Variants in DMD observed in about 807,000 individuals in gnomAD.
DMD encodes dystrophin.
A neutral mutation model predicts 330.1 loss-of-function variants in DMD; 63 were observed. The observed-to-expected ratio is 0.19, with a 90% CI of 0.16 to 0.24. The LOEUF (loss-of-function observed/expected upper bound fraction) is 0.24, where lower values mean the gene tolerates loss of function less well. Ranked by LOEUF, DMD falls within the 10% of genes least tolerant of loss-of-function variation. DMD has a pLI of 1.00. For missense variants in DMD, 3,344 were observed against 2,684.1 expected, an observed-to-expected ratio of 1.25 and a Z score of -5.43; for synonymous variants, 1,223 against 959.8, an observed-to-expected ratio of 1.27 and a Z score of -5.07.
At chrX:32,311,716 C>T (rs1569557081) in intron 41 of DMD, among the ~76,000 whole-genome samples, 2 of 111,603 alleles carry the variant, frequency 1.8e-5, no homozygotes, top group African/African-American at 6.5e-5. Context: ...AAATAAAATT[C>T]AGAATTTAAC....
chrX:32,623,393 G>A (rs2058125940), intron 11 of DMD, among the ~76,000 whole-genome samples: 1 of 111,652 alleles, frequency 9.0e-6, no homozygotes, highest in African/African-American at 3.3e-5. Flanking sequence ...TTTAAATAAA[G>A]GGGTGACTTC....
chrX:31,553,583 A>G (rs1437541431), intron 55 of DMD, among the ~76,000 whole-genome samples: 1 of 112,637 alleles, frequency 8.9e-6, no homozygotes, highest in African/African-American at 3.2e-5. Flanking sequence ...TGTTTGTTTT[A>G]AATATGTACA....
At chrX:32,025,196 T>C (rs186062194) in intron 44 of DMD, among the ~76,000 whole-genome samples, 16 of 111,999 alleles carry the variant, frequency 1.4e-4, no homozygotes, top group African/African-American at 5.2e-4. Context: ...GAGAGTACTA[T>C]TAAAACAGAA....
intron 1 of DMD, among the ~76,000 whole-genome samples, chrX:33,059,119 G>T (rs780107178): frequency 1.1e-4 from 12 of 110,987 alleles, no homozygotes; most frequent in South Asian, 3.8e-4. Context: ...GTGCTTGTTC[G>T]GTCCTAATTA....
At chrX:32,987,110 C>CT (rs2092863429) in intron 2 of DMD, among the ~76,000 whole-genome samples, 1 of 111,971 alleles carries the variant, frequency 8.9e-6, no homozygotes, top group African/African-American at 3.2e-5. Flanking sequence ...GTCATGGGAC[C>CT]TAAGGATCAA....
intron 7 of DMD, among the ~76,000 whole-genome samples, chrX:32,715,729 A>C (rs2065652791): frequency 9.1e-6 from 1 of 110,488 alleles, no homozygotes; most frequent in African/African-American, 3.3e-5. Flanking sequence ...TGAACCGGGG[A>C]GGTGGAGGTT....
In DMD at chrX:32,663,410, C is replaced by T. The variant is rs1001110178; in HGVS notation, c.961-18258G>A. On this transcript the variant is annotated intron_variant, in intron 9 of 78. Transcript: ENST00000357033. The stretch of plus-strand genomic sequence containing the variant: ...GGCAATTGAACAAATAATAAAAAAA[C>T]TTCAAATAGATAATTTTTTACAAAA... Among the ~76,000 whole-genome samples the T allele has an allele frequency of 7.2e-5, 8 of 111,695 alleles. No individual in the cohort carries two copies. The East Asian group carries it at 2.2e-3, about 31-fold the overall frequency.
chrX:32,718,729 ATTT>A (rs1270206661), intron 7 of DMD, among the ~76,000 whole-genome samples: 1 of 112,159 alleles, frequency 8.9e-6, no homozygotes, highest in Non-Finnish European at 1.9e-5. Flanking sequence ...ACTGTTTTGC[ATTT>A]TATTATTAAT....
intron 44 of DMD, among the ~76,000 whole-genome samples, chrX:32,141,375 G>T (rs910258865): frequency 1.4e-4 from 16 of 110,821 alleles, no homozygotes; most frequent in African/African-American, 4.9e-4. Context: ...GGTGGAGGTT[G>T]CAGTGAGCCG....
intron 44 of DMD, among the ~76,000 whole-genome samples, chrX:32,196,361 A>G (rs1426991485): frequency 2.7e-5 from 3 of 112,261 alleles, no homozygotes; most frequent in Non-Finnish European, 5.6e-5. Context: ...CTCCAGATAT[A>G]AGCCTGAAAC....
chrX:32,642,514 C>G (rs751581515), intron 11 of DMD, among the ~76,000 whole-genome samples: 1 of 111,952 alleles, frequency 8.9e-6, no homozygotes, highest in Non-Finnish European at 1.9e-5. Flanking sequence ...GGAAATTACA[C>G]GCACAGAAGT....
intron 60 of DMD, among the ~76,000 whole-genome samples, chrX:31,384,314 CTACTACTACTACTACT>C (rs2060336581): frequency 6.8e-5 from 3 of 44,213 alleles, no homozygotes; most frequent in African/African-American, 1.1e-4. Flanking sequence ...TGCTTCACTA[CTACTACTACTACTACT>C]ACTACTACTA....
rs182937779 is a variant in DMD, at chrX:32,384,177, T to A, written c.4674+2133A>T. 3.4e-4 allele frequency among the ~76,000 whole-genome samples: 37 copies of A among 110,366 alleles called. No individual in the cohort carries two copies. In the East Asian group the frequency reaches 0.01, roughly 31 times the overall value. On this transcript the variant is annotated intron_variant, in intron 33 of 78. Transcript: ENST00000357033. ...GAAGCTGTAGCATTAGGATTAATAT[T>A]AGAGATTATTCAATCTCTAATACAT...
At chrX:31,239,597 T>A (rs2048049839) in intron 63 of DMD, among the ~76,000 whole-genome samples, 1 of 111,366 alleles carries the variant, frequency 9.0e-6, no homozygotes, top group Non-Finnish European at 1.9e-5. Flanking sequence ...GTCTACTCAT[T>A]CAGCTTAAGG....
intron 2 of DMD, among the ~76,000 whole-genome samples, chrX:32,976,701 G>A (rs1199587117): frequency 9.0e-6 from 1 of 111,568 alleles, no homozygotes; most frequent in Non-Finnish European, 1.9e-5. Flanking sequence ...TACTTCTGTG[G>A]TTTTAGGTAC....
chrX:32,768,735 C>T (rs1353703140), intron 7 of DMD, among the ~76,000 whole-genome samples: 2 of 111,964 alleles, frequency 1.8e-5, no homozygotes, highest in Non-Finnish European at 1.9e-5. Context: ...GGTAATTAAG[C>T]TCCCCATTGA....
chrX:32,753,057 A>G (rs1416126304), intron 7 of DMD, among the ~76,000 whole-genome samples: 2 of 110,690 alleles, frequency 1.8e-5, no homozygotes, highest in Non-Finnish European at 3.8e-5. Flanking sequence ...TGCTTAGAAC[A>G]CCTTTCCATC....
chrX:32,337,269 T>C (rs759639124), intron 41 of DMD, among the ~76,000 whole-genome samples: 2 of 110,493 alleles, frequency 1.8e-5, no homozygotes, highest in South Asian at 3.8e-4. Context: ...AATAGTGCAA[T>C]TTAATAACAT....
chrX:32,669,552 A>C (rs2061508762), intron 9 of DMD, among the ~76,000 whole-genome samples: 1 of 111,333 alleles, frequency 9.0e-6, no homozygotes, highest in African/African-American at 3.3e-5. Flanking sequence ...AATTTCATGT[A>C]CTTTTTGGGA....
Sources: gnomAD v4.1 joint callset for allele counts (sites outside exome capture counted in the v4.1 genomes callset) on GRCh38, gnomAD v4.1.1 for gene constraint, MANE v1.5 for transcripts, NCBI Gene and HGNC (gene_info 2026-07-23, HGNC 2026-07-21) for gene names.